Variants in CLIC6 observed in about 807,000 individuals in gnomAD.
CLIC6 encodes the protein CLIC family member 6, also known as chloride intracellular channel protein 6.
Under a neutral mutation model 49.2 loss-of-function variants are expected in CLIC6, and 39 were observed. The observed-to-expected ratio is 0.79, with a 90% CI of 0.61 to 1.04. The LOEUF is 1.04. CLIC6 is among the 50% of genes least tolerant of loss of function. The pLI, the probability that CLIC6 is intolerant of heterozygous loss-of-function variation, is 0.00. For missense variants in CLIC6, 988 were observed against 993.1 expected, an observed-to-expected ratio of 0.99 and a Z score of 0.07; for synonymous variants, 446 against 433.4, an observed-to-expected ratio of 1.03 and a Z score of -0.36.
At chr21:34,698,338 A>T (rs914461422) in intron 1 of CLIC6, among the ~76,000 whole-genome samples, 1 of 151,988 alleles carries the variant, frequency 6.6e-6, no homozygotes, top group Non-Finnish European at 1.5e-5. Flanking sequence ...GGAAACAATT[A>T]GTAACCAATT....
intron 1 of CLIC6, among the ~76,000 whole-genome samples, chr21:34,693,356 C>G (rs1990031089): frequency 6.6e-6 from 1 of 152,142 alleles, no homozygotes; most frequent in South Asian, 2.1e-4. Context: ...AGCATTTTCC[C>G]ACAAAACCTA....
At chr21:34,713,495 C>T (rs908018869) in intron 5 of CLIC6, among the ~76,000 whole-genome samples, 1 of 152,136 alleles carries the variant, frequency 6.6e-6, no homozygotes, top group Admixed American at 6.5e-5. Context: ...GACATTCGCA[C>T]ACATCTTATA....
chr21:34,685,311 C>T (rs1356056417), intron 1 of CLIC6, among the ~76,000 whole-genome samples: 1 of 152,196 alleles, frequency 6.6e-6, no homozygotes, highest in Admixed American at 6.5e-5. Flanking sequence ...CAGTGATATT[C>T]TGATGGGGTC....
Position 34,669,403 on chromosome 21 carries a change from G to C in CLIC6, c.15G>C (p.Ala5=). The change falls in exon 1 of 6, where the codon GCG becomes GCC. Residue 5 remains alanine (A), a synonymous_variant. Coordinates refer to ENST00000349499, the MANE Select transcript of CLIC6 (RefSeq NM_053277.3). ...GATCTGCGGCCATGGCCGAGGCCGC[G>C]GAGCCGGAGGGGGTTGCCCCGGGTC... The part of the protein sequence containing the change: MAEA[A]EPEGVAPGPQ... 1 of 1,236,520 alleles carries C rather than the reference G, an allele frequency of 8.1e-7. No individual in the cohort carries two copies. The highest frequency in any genetic ancestry group is 1.0e-6 in the Non-Finnish European group (1 of 990,514). 76.6% of individuals were successfully genotyped at this position (1,236,520 alleles called of 1,614,324 possible).
intron 5 of CLIC6, among the ~76,000 whole-genome samples, chr21:34,712,835 A>C (rs760842248): frequency 1.3e-5 from 2 of 151,360 alleles, no homozygotes; most frequent in African/African-American, 2.5e-5. Context: ...TGTGAGCCTC[A>C]GAGTGGAGGA....
intron 5 of CLIC6, among the ~76,000 whole-genome samples, chr21:34,709,857 A>G (rs1043702421): frequency 9.9e-5 from 15 of 152,214 alleles, no homozygotes; most frequent in African/African-American, 3.6e-4. Flanking sequence ...GCAATTGAGA[A>G]TTAGAGATGA....
chr21:34,692,610 A>T (rs1403540851), intron 1 of CLIC6, among the ~76,000 whole-genome samples: 1 of 152,234 alleles, frequency 6.6e-6, no homozygotes, highest in East Asian at 1.9e-4. Context: ...TTTCAGTGTA[A>T]ACAAAAAGTA....
At chr21:34,679,583 G>A (rs542644942) in intron 1 of CLIC6, among the ~76,000 whole-genome samples, 1 of 152,280 alleles carries the variant, frequency 6.6e-6, no homozygotes, top group African/African-American at 2.4e-5. Context: ...TTGAGATAAG[G>A]CAAGTCTCCT....
At chr21:34,701,757 A>T (rs1246152141) in intron 1 of CLIC6, among the ~76,000 whole-genome samples, 1 of 152,214 alleles carries the variant, frequency 6.6e-6, no homozygotes, top group Non-Finnish European at 1.5e-5. Context: ...TCCTCAGGCA[A>T]ATGGATAAAC....
intron 1 of CLIC6, among the ~76,000 whole-genome samples, chr21:34,695,372 A>T (rs373437591): frequency 1.3e-5 from 2 of 152,220 alleles, no homozygotes; most frequent in East Asian, 3.8e-4. Flanking sequence ...TAATCTCCCC[A>T]TGTCAAAATC....
chr21:34,709,371 C>A lies in CLIC6; in HGVS notation c.1732C>A (p.Leu578Met), dbSNP rs1480462185. The part of the protein sequence containing the change: ...KDANEIHEKN[L>M]LKALRKLDNY... ...TTCTGTTTTAGTTCATGAAAAGAACCTGCTGAAGGCCCTGAGGAAGCTGGA... is the reference window on the plus strand; with the variant it reads ...TTCTGTTTTAGTTCATGAAAAGAACATGCTGAAGGCCCTGAGGAAGCTGGA... The change falls in exon 5 of 6, where the codon CTG becomes ATG. Residue 578 changes from leucine to methionine, a missense_variant. Transcript: ENST00000349499. 8.1e-6 allele frequency: 13 copies of A among 1,613,170 alleles called. No homozygotes were observed. The highest frequency in any genetic ancestry group is 1.3e-5 in the African/African-American group (1 of 74,872).
At position 34,717,252 on chromosome 21, in the gene CLIC6, C is replaced by G. The variant is rs1184017038; in HGVS notation, c.*770C>G. On this transcript the variant is annotated 3_prime_UTR_variant, in exon 6 of 6. Transcript: ENST00000349499. ...TTTGCTCCCTCCCCTCTCTTAGAGA[C>G]TGTGCCTTCAGCAGGACTCTTAATA... 1 of 152,250 alleles carries G rather than the reference C, an allele frequency of 6.6e-6. No individual in the cohort carries two copies. Among genetic ancestry groups the G allele is most frequent in the Non-Finnish European group, 1.5e-5 (1 of 68,076 alleles). 9.4% of individuals were successfully genotyped at this position (152,250 alleles called of 1,614,324 possible). A position where few individuals can be genotyped will look rare whatever the true frequency, so the allele number is the denominator to read the frequency against.
intron 1 of CLIC6, among the ~76,000 whole-genome samples, chr21:34,689,300 G>A (rs1989943056): frequency 6.6e-6 from 1 of 152,188 alleles, no homozygotes; most frequent in African/African-American, 2.4e-5. Flanking sequence ...GACGTTGTCA[G>A]TGCTCAGCAC....
intron 1 of CLIC6, among the ~76,000 whole-genome samples, chr21:34,696,339 T>C (rs2145810419): frequency 2.0e-5 from 3 of 152,348 alleles, no homozygotes; most frequent in Admixed American, 2.0e-4. Flanking sequence ...ACTTTCCACC[T>C]GCTTCTGATA....
intron 1 of CLIC6, among the ~76,000 whole-genome samples, chr21:34,680,095 T>C (rs572363002): frequency 6.6e-6 from 1 of 152,384 alleles, no homozygotes; most frequent in East Asian, 1.9e-4. Context: ...CCATGAGGGC[T>C]CTGCCCCTGC....
Position 34,670,571 on chromosome 21 carries a change from G to T in CLIC6, c.1183G>T (p.Asp395Tyr), listed in dbSNP as rs955086173. 1.3e-6 allele frequency: 2 copies of T among 1,512,824 alleles called. No individual in the cohort carries two copies. The highest frequency in any genetic ancestry group is 8.8e-7 in the Non-Finnish European group (1 of 1,131,150). The allele number at this position is 1,512,824 out of a possible 1,614,324, so 93.7% of individuals were successfully genotyped here. ...EAAGGEEESPDSSPHGEASRG... is the reference protein window; with the variant it reads ...EAAGGEEESPYSSPHGEASRG... ...AGCGGGGGGCGAAGAGGAATCCCCC[G>T]ACAGCAGCCCACATGGGGAGGCCTC... is the stretch of plus-strand genomic sequence containing the variant. The change falls in exon 1 of 6, where the codon GAC becomes TAC. Residue 395 changes from aspartate (D) to tyrosine (Y), a missense_variant. Coordinates refer to ENST00000349499, the MANE Select transcript of CLIC6 (RefSeq NM_053277.3).
chr21:34,681,202 A>G (rs2409531), intron 1 of CLIC6, among the ~76,000 whole-genome samples: 39,387 of 152,154 alleles, frequency 0.26, 5,698 homozygotes, highest in African/African-American at 0.38. Context: ...TTTTCACATG[A>G]TGGTGGGAAG....
rs73196828 is a variant in CLIC6 at position 34,716,177 on chromosome 21, C to T, written c.1900-144C>T. 2,886 of 669,052 alleles carry T rather than the reference C, an allele frequency of 4.3e-3. 10 individuals carry two copies. The highest frequency in any genetic ancestry group is 6.1e-3 in the Non-Finnish European group (2,412 of 394,774). 41.4% of individuals were successfully genotyped at this position (669,052 alleles called of 1,614,324 possible). A position where few individuals can be genotyped will look rare whatever the true frequency, so the allele number is the denominator to read the frequency against. On this transcript the variant is annotated intron_variant, in intron 5 of 5. Transcript: ENST00000349499. ...GATGGCCCTATGCAAGTCAAGATGC[C>T]GTGGTGGGTAGCCCGGATGACTGTG... is the stretch of plus-strand genomic sequence containing the variant.
chr21:34,712,931 A>G (rs2056066346), intron 5 of CLIC6, among the ~76,000 whole-genome samples: 1 of 152,032 alleles, frequency 6.6e-6, no homozygotes, highest in Non-Finnish European at 1.5e-5. Context: ...CCCAACTCTA[A>G]TGTGTCTCTC....
Sources: gnomAD v4.1 joint callset for allele counts (sites outside exome capture counted in the v4.1 genomes callset) on GRCh38, gnomAD v4.1.1 for gene constraint, MANE v1.5 for transcripts, NCBI Gene and HGNC (gene_info 2026-07-23, HGNC 2026-07-21) for gene names.